Variants in CCNY observed in about 807,000 individuals in gnomAD.
The protein encoded by CCNY is cyclin Y.
In CCNY, 19 loss-of-function variants were observed where a neutral mutation model predicts 42.8. That is an observed-to-expected ratio of 0.44 (90% CI 0.31 to 0.65). The LOEUF is 0.65. CCNY is among the 30% of genes least tolerant of loss of function. The probability of loss-of-function intolerance (pLI) is 0.07; values close to 1 mark genes in which losing one functional copy is unlikely to be tolerated. For synonymous variants in CCNY, 165 were observed against 162.7 expected (o/e 1.01, Z -0.11); for missense variants, 370 against 437.3 (o/e 0.85, Z 1.37).
At chr10:35,405,557 C>T (rs944136606) in intron 1 of CCNY, among the ~76,000 whole-genome samples, 2 of 152,146 alleles carry the variant, frequency 1.3e-5, no homozygotes, top group East Asian at 1.9e-4. Flanking sequence ...AAGTTGGCAC[C>T]AGAATTGGGG....
intron 7 of CCNY, among the ~76,000 whole-genome samples, chr10:35,544,324 A>G (rs1035259765): frequency 6.6e-6 from 1 of 152,072 alleles, no homozygotes; most frequent in African/African-American, 2.4e-5. Context: ...CTTTGTTTAG[A>G]TATATTTAGA....
chr10:35,515,206 A>C (rs948810213), intron 3 of CCNY, among the ~76,000 whole-genome samples: 1 of 152,146 alleles, frequency 6.6e-6, no homozygotes, highest in Non-Finnish European at 1.5e-5. Context: ...TCAGCTTCTG[A>C]ATTTTCCTGG....
At chr10:35,456,562 A>G (rs1031994531) in intron 1 of CCNY, among the ~76,000 whole-genome samples, 6 of 152,198 alleles carry the variant, frequency 3.9e-5, no homozygotes, top group Admixed American at 1.3e-4. Flanking sequence ...CCATCCTTCC[A>G]AAGCTCGACA....
At chr10:35,490,505 C>T (rs1441990387) in intron 2 of CCNY, among the ~76,000 whole-genome samples, 1 of 152,246 alleles carries the variant, frequency 6.6e-6, no homozygotes, top group African/African-American at 2.4e-5. Flanking sequence ...CTGCGGTCCA[C>T]TGCACCTTCC....
chr10:35,530,303 T>C lies in CCNY; in HGVS notation c.579+60T>C. The stretch of plus-strand genomic sequence containing the variant: ...GCCGAGGTGGTCCAGGGCCCGTTCC[T>C]GTTACTCAGCGGAGTGAGGTTGGAG... On this transcript the variant is annotated intron_variant, in intron 7 of 9. Coordinates refer to ENST00000374704, the MANE Select transcript of CCNY (RefSeq NM_145012.6). The surrounding 1 kb of genome is among the most constrained non-coding windows in gnomAD (Gnocchi z 4.3). 1 of 1,606,514 alleles carries C rather than the reference T, an allele frequency of 6.2e-7. No individual in the cohort carries two copies. The highest frequency in any genetic ancestry group is 1.1e-5 in the South Asian group (1 of 90,600).
intron 4 of CCNY, among the ~76,000 whole-genome samples, chr10:35,517,105 G>A (rs943976785): frequency 4.6e-5 from 7 of 152,148 alleles, no homozygotes; most frequent in Non-Finnish European, 8.8e-5. Flanking sequence ...GGGGTCTGGA[G>A]ATCTGAGTTC....
At chr10:35,500,038 AG>A (rs1840079721) in intron 2 of CCNY, among the ~76,000 whole-genome samples, 1 of 152,192 alleles carries the variant, frequency 6.6e-6, no homozygotes, top group Admixed American at 6.5e-5. Flanking sequence ...TCTTCCTTGG[AG>A]TCAGGTAAAA....
At chr10:35,557,391 G>A (rs1021418098) in intron 8 of CCNY, among the ~76,000 whole-genome samples, 21 of 152,212 alleles carry the variant, frequency 1.4e-4, no homozygotes, top group Middle Eastern at 3.4e-3. Context: ...GTGTTTTCTG[G>A]ATGATAATGT....
intron 7 of CCNY, among the ~76,000 whole-genome samples, chr10:35,543,968 G>T (rs1841058373): frequency 6.6e-6 from 1 of 152,152 alleles, no homozygotes; most frequent in Non-Finnish European, 1.5e-5. Context: ...GTAGAATAAG[G>T]ATATAAAGAG....
chr10:35,525,472 A>T (rs1840633920), intron 4 of CCNY, among the ~76,000 whole-genome samples: 1 of 152,236 alleles, frequency 6.6e-6, no homozygotes. Context: ...GTACCATTTC[A>T]GCAAGTGAAT....
intron 1 of CCNY, among the ~76,000 whole-genome samples, chr10:35,370,702 T>C (rs1185914979): frequency 6.6e-6 from 1 of 151,866 alleles, no homozygotes; most frequent in Non-Finnish European, 1.5e-5. Flanking sequence ...CTATCTGATC[T>C]TGGATAAAAC....
chr10:35,504,820 A>G (rs1840181642), intron 3 of CCNY, among the ~76,000 whole-genome samples: 1 of 152,082 alleles, frequency 6.6e-6, no homozygotes, highest in Non-Finnish European at 1.5e-5. Flanking sequence ...TATTTTTAGT[A>G]GAGACAGGAA....
intron 1 of CCNY, among the ~76,000 whole-genome samples, chr10:35,419,964 G>T (rs1311691580): frequency 2.0e-5 from 3 of 146,712 alleles, no homozygotes; most frequent in African/African-American, 5.1e-5. Flanking sequence ...AAAATAAATG[G>T]TGCCCTTTGG....
intron 3 of CCNY, among the ~76,000 whole-genome samples, chr10:35,309,340 G>A (rs1835653484): frequency 6.6e-6 from 1 of 152,212 alleles, no homozygotes; most frequent in South Asian, 2.1e-4. Context: ...TGTGAGGGTG[G>A]AGGAATTCCC....
In CCNY at chr10:35,492,466, TTTTC is replaced by T. The variant is rs1191594691; in HGVS notation, c.229+8995_229+8998del. Among the ~76,000 whole-genome samples, 3 of 152,242 alleles carry T rather than the reference TTTTC, an allele frequency of 2.0e-5. No homozygotes were observed. The East Asian group carries it at 5.8e-4, about 29-fold the overall frequency. ...CAAAATTTAATTGGCAGCATTTTTT[TTTTC>T]TTTCTTAGTGACACATAGAGTAATG... On this transcript the variant is annotated intron_variant, in intron 2 of 9. Transcript: ENST00000374704.
At chr10:35,265,937 C>T (rs911125099) in intron 3 of CCNY, among the ~76,000 whole-genome samples, 1 of 152,138 alleles carries the variant, frequency 6.6e-6, no homozygotes. Flanking sequence ...AGAAGCCAGC[C>T]CCACTCTTTA....
chr10:35,415,579 C>G (rs1308357093), intron 1 of CCNY, among the ~76,000 whole-genome samples: 1 of 152,140 alleles, frequency 6.6e-6, no homozygotes, highest in East Asian at 1.9e-4. Flanking sequence ...GGCTCCTTTC[C>G]TCAGTCTGCA....
At chr10:35,469,980 G>A (rs1839355941) in intron 1 of CCNY, among the ~76,000 whole-genome samples, 1 of 138,494 alleles carries the variant, frequency 7.2e-6, no homozygotes, top group Admixed American at 7.2e-5. Flanking sequence ...AGGGAGATAG[G>A]GCAGTGGAGA....
chr10:35,411,512 C>CAAAA (rs59117826), intron 1 of CCNY, among the ~76,000 whole-genome samples: 34 of 61,354 alleles, frequency 5.5e-4, no homozygotes, highest in South Asian at 9.0e-4. Context: ...AAGACTCTGT[C>CAAAA]AAAAAAAAAA....
Sources: gnomAD v4.1 joint callset for allele counts (sites outside exome capture counted in the v4.1 genomes callset) on GRCh38, gnomAD v4.1.1 for gene constraint, Gnocchi (gnomAD v3.1) non-coding constraint, MANE v1.5 for transcripts, NCBI Gene and HGNC (gene_info 2026-07-23, HGNC 2026-07-21) for gene names.